Variants in CNKSR2 observed in about 807,000 individuals in gnomAD.
CNKSR2 encodes connector enhancer of kinase suppressor of Ras 2.
A neutral mutation model predicts 84.4 loss-of-function variants in CNKSR2; 14 were observed. That is an observed-to-expected ratio of 0.17 (90% confidence interval 0.11 to 0.26). The LOEUF (loss-of-function observed/expected upper bound fraction) is 0.26. CNKSR2 is among the 10% of genes least tolerant of loss of function. The pLI is 1.00. For missense variants in CNKSR2, 485 were observed against 771.2 expected, an observed-to-expected ratio of 0.63 and a Z score of 4.40; for synonymous variants, 275 against 277.9, an observed-to-expected ratio of 0.99 and a Z score of 0.10.
chrX:21,604,734 C>T (rs2092506190), intron 18 of CNKSR2, among the ~76,000 whole-genome samples: 1 of 111,455 alleles, frequency 9.0e-6, no homozygotes, highest in African/African-American at 3.3e-5. Flanking sequence ...GGGAAGAATG[C>T]TGGCAGGGTG....
intron 17 of CNKSR2, among the ~76,000 whole-genome samples, chrX:21,598,232 T>C (rs1458139142): frequency 9.0e-6 from 1 of 111,238 alleles, no homozygotes; most frequent in Non-Finnish European, 1.9e-5. Context: ...TTCTTGTCTG[T>C]GTAAAATCTG....
At chrX:21,504,874 C>T in intron 8 of CNKSR2, 1 of 293,220 alleles carries the variant, frequency 3.4e-6, no homozygotes, top group Non-Finnish European at 6.0e-6. Context: ...TCATGAACAT[C>T]CAAGCAAAGC....
intron 11 of CNKSR2, among the ~76,000 whole-genome samples, chrX:21,550,545 G>C (rs2092077585): frequency 8.9e-6 from 1 of 112,122 alleles, no homozygotes; most frequent in Admixed American, 9.4e-5. Flanking sequence ...AATAGCATTT[G>C]ACCCAGCAAT....
chrX:21,604,876 C>A (rs998670605), intron 18 of CNKSR2, among the ~76,000 whole-genome samples: 3 of 111,359 alleles, frequency 2.7e-5, no homozygotes, highest in African/African-American at 6.5e-5. Context: ...CATTGCTGGG[C>A]CTTGCTACAA....
intron 5 of CNKSR2, among the ~76,000 whole-genome samples, chrX:21,486,009 C>T (rs1195174631): frequency 9.0e-6 from 1 of 111,109 alleles, no homozygotes; most frequent in African/African-American, 3.3e-5. Flanking sequence ...GTGGCGTGAG[C>T]CTGTAGTCCC....
chrX:21,379,957 C>T (rs181719731), intron 1 of CNKSR2, among the ~76,000 whole-genome samples: 8 of 111,112 alleles, frequency 7.2e-5, no homozygotes, highest in African/African-American at 2.6e-4. Flanking sequence ...CTAAATGTAG[C>T]GGCACAGCAA....
intron 20 of CNKSR2, among the ~76,000 whole-genome samples, chrX:21,617,897 C>A: frequency 1.3e-5 from 1 of 76,657 alleles, no homozygotes; most frequent in Non-Finnish European, 2.4e-5. Flanking sequence ...ATACACTGCC[C>A]CCCCCACAAA....
chrX:21,595,521 A>G, intron 17 of CNKSR2, 126 bp downstream of exon 17: 1 of 382,064 alleles, frequency 2.6e-6, no homozygotes, highest in Non-Finnish European at 4.5e-6. Context: ...ATAGACCCAG[A>G]ATAGCTCCAT....
intron 20 of CNKSR2, among the ~76,000 whole-genome samples, chrX:21,626,504 C>T (rs1321906533): frequency 9.0e-6 from 1 of 111,387 alleles, no homozygotes; most frequent in Non-Finnish European, 1.9e-5. Flanking sequence ...GATAGGGATA[C>T]CAATTAGAAA....
At chrX:21,418,571 G>A (rs1212841699) in intron 1 of CNKSR2, among the ~76,000 whole-genome samples, 2 of 111,282 alleles carry the variant, frequency 1.8e-5, no homozygotes, top group African/African-American at 6.5e-5. Flanking sequence ...TACTCTTCTA[G>A]GGTAAAAGTT....
At chrX:21,552,343 T>C (rs759165007) in intron 11 of CNKSR2, among the ~76,000 whole-genome samples, 10 of 112,051 alleles carry the variant, frequency 8.9e-5, no homozygotes, top group Non-Finnish European at 1.9e-4. Context: ...ATACTACATC[T>C]TTGAAAGTTT....
At chrX:21,511,608 G>C (rs1052883201) in intron 8 of CNKSR2, among the ~76,000 whole-genome samples, 1 of 110,609 alleles carries the variant, frequency 9.0e-6, no homozygotes, top group East Asian at 2.8e-4. Context: ...TTATAAGTGA[G>C]AGAAAAATTA....
At chrX:21,541,969 A>G in intron 11 of CNKSR2, among the ~76,000 whole-genome samples, 1 of 111,687 alleles carries the variant, frequency 9.0e-6, no homozygotes, top group Middle Eastern at 4.7e-3. Flanking sequence ...AAATTCAAGA[A>G]TTTGATTCCA....
At chrX:21,630,621 G>A (rs1212313113) in intron 20 of CNKSR2, among the ~76,000 whole-genome samples, 1 of 110,694 alleles carries the variant, frequency 9.0e-6, no homozygotes, top group Non-Finnish European at 1.9e-5. Flanking sequence ...ACTCTTAATT[G>A]CATATTGCCC....
rs769070274 is a variant in CNKSR2 at position 21,501,617 on chromosome X, G to A, written c.810+29G>A. 8 of 837,598 alleles carry A rather than the reference G, an allele frequency of 9.6e-6. No homozygotes were observed. The South Asian group carries it at 2.4e-4, about 25-fold the overall frequency. 69.0% of individuals were successfully genotyped at this position (837,598 alleles called of 1,213,427 possible). ...TGTATAATTAACTTAAGAGTCAGTG[G>A]GAGGAACTAATTTTGATTTGCTAAA... On this transcript the variant is annotated intron_variant, in intron 8 of 21. Coordinates refer to ENST00000379510, the MANE Select transcript of CNKSR2 (RefSeq NM_014927.5).
At chrX:21,476,978 A>G (rs1340841881) in intron 5 of CNKSR2, among the ~76,000 whole-genome samples, 1 of 111,714 alleles carries the variant, frequency 9.0e-6, no homozygotes, top group African/African-American at 3.3e-5. Flanking sequence ...TCTATACTCT[A>G]CTTACTCCTC....
At chrX:21,634,698 G>A (rs185936702) in intron 20 of CNKSR2, among the ~76,000 whole-genome samples, 1 of 107,278 alleles carries the variant, frequency 9.3e-6, no homozygotes, top group Non-Finnish European at 1.9e-5. Flanking sequence ...TCAGTACCCC[G>A]CATTAGTACT....
At chrX:21,592,136 GTTGTGT>G (rs1172608842) in intron 15 of CNKSR2, 2 of 111,886 alleles carry the variant, frequency 1.8e-5, no homozygotes, top group Non-Finnish European at 3.8e-5. Context: ...GTAGTGTTAT[GTTGTGT>G]TTAAGAGTAG....
At chrX:21,500,770 A>G (rs1339613847) in intron 7 of CNKSR2, among the ~76,000 whole-genome samples, 2 of 111,137 alleles carry the variant, frequency 1.8e-5, no homozygotes, top group Non-Finnish European at 3.8e-5. Context: ...AAAAAGTGTT[A>G]GATTATTGCA....
Sources: allele counts gnomAD v4.1 joint callset (sites outside exome capture counted in the v4.1 genomes callset), GRCh38; gene constraint gnomAD v4.1.1; transcripts MANE v1.5; gene names NCBI Gene and HGNC (gene_info 2026-07-23, HGNC 2026-07-21).